Variants in KCNN2 observed in about 807,000 individuals in gnomAD.
The protein encoded by KCNN2 is potassium calcium-activated channel subfamily N member 2.
Under a neutral mutation model 55.5 loss-of-function variants are expected in KCNN2, and 24 were observed. That is an observed-to-expected ratio of 0.43 (90% CI 0.31 to 0.61). The LOEUF is 0.61. KCNN2 is among the 20% of genes least tolerant of loss of function. The pLI is 0.08. For missense variants in KCNN2, 754 were observed against 853.6 expected (o/e 0.88, Z 1.45); for synonymous variants, 431 against 336.1 (o/e 1.28, Z -3.09).
intron 2 of KCNN2, among the ~76,000 whole-genome samples, chr5:114,283,388 T>G (rs1755664433): frequency 6.6e-6 from 1 of 152,218 alleles, no homozygotes; most frequent in African/African-American, 2.4e-5. Context: ...AGTTCATTAG[T>G]TTTTGAATCT....
At position 114,415,559 on chromosome 5, in the gene KCNN2, G is replaced by A. The variant is rs1057349369; in HGVS notation, c.1637+10703G>A. On this transcript the variant is annotated intron_variant, in intron 3 of 7. Transcript: ENST00000673685. The stretch of plus-strand genomic sequence containing the variant: ...ACAGAAATATATGGTCTTAATATAC[G>A]TTTATTTATAGTCTTATAACCATTC... Among the ~76,000 whole-genome samples the A allele has an allele frequency of 5.9e-5, 9 of 152,084 alleles. No individual in the cohort carries two copies. In the South Asian group the frequency reaches 8.3e-4, roughly 14 times the overall value.
intron 1 of KCNN2, among the ~76,000 whole-genome samples, chr5:114,147,637 T>A (rs1752425885): frequency 6.6e-6 from 1 of 152,204 alleles, no homozygotes; most frequent in Non-Finnish European, 1.5e-5. Flanking sequence ...TTCTGCTGGT[T>A]CAGATAGACA....
At chr5:114,241,703 T>A in intron 2 of KCNN2, among the ~76,000 whole-genome samples, 1 of 74,386 alleles carries the variant, frequency 1.3e-5, no homozygotes, top group Non-Finnish European at 3.0e-5. Flanking sequence ...AATATATATG[T>A]GGATATATAT....
chr5:114,427,145 C>A (rs1230400428), intron 3 of KCNN2, among the ~76,000 whole-genome samples: 1 of 152,206 alleles, frequency 6.6e-6, no homozygotes, highest in African/African-American at 2.4e-5. Flanking sequence ...TCTCCCCCTG[C>A]ACCTTCTCCT....
intron 2 of KCNN2, among the ~76,000 whole-genome samples, chr5:114,308,616 G>A (rs1756337406): frequency 6.6e-6 from 1 of 152,172 alleles, no homozygotes; most frequent in Non-Finnish European, 1.5e-5. Flanking sequence ...TTGAGATACT[G>A]TCATAGCATG....
chr5:114,096,563 A>T lies in KCNN2; in HGVS notation c.-271+40063A>T, dbSNP rs1243730093. On this transcript the variant is annotated intron_variant, in intron 1 of 10. Transcript: ENST00000512097. ...GTCTCTGTCAGGCGCTATGGTGCAGAATCCAGGCCTGGATTTGAAGTTCTT... is the reference window on the plus strand; with the variant it reads ...GTCTCTGTCAGGCGCTATGGTGCAGTATCCAGGCCTGGATTTGAAGTTCTT... Among the ~76,000 whole-genome samples the T allele has an allele frequency of 3.9e-5, 6 of 152,100 alleles. No individual in the cohort carries two copies. In the South Asian group the frequency reaches 1.2e-3, roughly 32 times the overall value.
chr5:114,070,776 A>C (rs987313705), intron 1 of KCNN2, among the ~76,000 whole-genome samples: 4 of 152,230 alleles, frequency 2.6e-5, no homozygotes, highest in African/African-American at 7.2e-5. Flanking sequence ...GACAGGTCTG[A>C]ATGCTTCCTA....
At chr5:114,132,511 T>C (rs1752092126) in intron 1 of KCNN2, among the ~76,000 whole-genome samples, 1 of 152,200 alleles carries the variant, frequency 6.6e-6, no homozygotes, top group South Asian at 2.1e-4. Flanking sequence ...ATCATAAGTT[T>C]AAATCCTGAT....
intron 2 of KCNN2, among the ~76,000 whole-genome samples, chr5:114,333,299 C>T (rs1333265334): frequency 6.6e-6 from 1 of 152,172 alleles, no homozygotes; most frequent in Non-Finnish European, 1.5e-5. Flanking sequence ...TTGATGTGAA[C>T]ACAAATGAGT....
At chr5:114,484,256 G>A (rs1195738329) in intron 5 of KCNN2, among the ~76,000 whole-genome samples, 3 of 152,052 alleles carry the variant, frequency 2.0e-5, no homozygotes, top group Non-Finnish European at 4.4e-5. Flanking sequence ...GCATTCAAGT[G>A]TTACATAACT....
intron 1 of KCNN2, among the ~76,000 whole-genome samples, chr5:114,161,763 C>T (rs941135798): frequency 5.3e-5 from 8 of 152,176 alleles, no homozygotes; most frequent in Non-Finnish European, 1.2e-4. Flanking sequence ...TGTCTTCCAT[C>T]GCCTATACCC....
upstream of KCNN2, chr5:114,361,243 T>A (rs1443122371): frequency 1.3e-5 from 2 of 152,096 alleles, no homozygotes; most frequent in African/African-American, 2.4e-5. Flanking sequence ...GGGGATCCCC[T>A]CCTCCGGCCC....
chr5:114,187,332 T>C (rs1580600892), intron 1 of KCNN2, among the ~76,000 whole-genome samples: 1 of 151,426 alleles, frequency 6.6e-6, no homozygotes, highest in Non-Finnish European at 1.5e-5. Context: ...TGGAAAACAA[T>C]AGATGTTCTC....
intron 1 of KCNN2, among the ~76,000 whole-genome samples, chr5:114,217,938 T>G (rs1680259708): frequency 6.6e-6 from 1 of 152,100 alleles, no homozygotes; most frequent in Non-Finnish European, 1.5e-5. Flanking sequence ...GGGCAAAAGA[T>G]CTGAACATTA....
At chr5:114,323,260 T>C (rs1261287141) in intron 2 of KCNN2, among the ~76,000 whole-genome samples, 2 of 152,204 alleles carry the variant, frequency 1.3e-5, no homozygotes, top group Non-Finnish European at 2.9e-5. Flanking sequence ...GAGTCACATT[T>C]CCGGAGTTTA....
intron 1 of KCNN2, among the ~76,000 whole-genome samples, chr5:114,210,285 A>G (rs945165440): frequency 3.9e-5 from 6 of 152,206 alleles, no homozygotes; most frequent in African/African-American, 1.2e-4. Flanking sequence ...TAATGAATCA[A>G]TAATGTATAT....
chr5:114,159,477 G>A (rs1280658235), intron 1 of KCNN2, among the ~76,000 whole-genome samples: 8 of 152,042 alleles, frequency 5.3e-5, no homozygotes, highest in African/African-American at 9.7e-5. Context: ...TTTTGATTGT[G>A]TCTGTGCCAG....
chr5:114,381,282 A>G (rs956095257), intron 2 of KCNN2, among the ~76,000 whole-genome samples: 5 of 152,186 alleles, frequency 3.3e-5, no homozygotes, highest in African/African-American at 1.2e-4. Context: ...AGATAATGAA[A>G]TGGCTGGCAG....
intron 5 of KCNN2, among the ~76,000 whole-genome samples, chr5:114,480,035 C>A (rs1319981582): frequency 6.6e-6 from 1 of 151,652 alleles, no homozygotes; most frequent in Admixed American, 6.6e-5. Context: ...CTGAAGAAGA[C>A]AGAGACACAA....
Sources: allele counts gnomAD v4.1 joint callset (sites outside exome capture counted in the v4.1 genomes callset), GRCh38; gene constraint gnomAD v4.1.1; transcripts MANE v1.5; gene names NCBI Gene and HGNC (gene_info 2026-07-23, HGNC 2026-07-21).